CDH9: variants seen among roughly 807,000 people sequenced by gnomAD.
CDH9 encodes cadherin-9.
A neutral mutation model predicts 70.9 loss-of-function variants in CDH9; 28 were observed. The observed-to-expected ratio is 0.40, with a 90% CI of 0.29 to 0.54. CDH9 has a LOEUF of 0.54. Ranked by LOEUF, CDH9 falls within the 20% of genes least tolerant of loss-of-function variation. CDH9 has a pLI of 0.59. For synonymous variants in CDH9, 409 were observed against 343.1 expected (o/e 1.19, Z -2.12); for missense variants, 874 against 984.4 (o/e 0.89, Z 1.50).
intron 7 of CDH9, 143 bp downstream of exon 7, chr5:26,902,333 T>A (rs1740870602): frequency 4.9e-6 from 3 of 610,258 alleles, no homozygotes; most frequent in Non-Finnish European, 8.6e-6. Flanking sequence ...GCAACCATTT[T>A]TTCACACAGT....
At chr5:26,979,250 G>A (rs1309871647) in intron 2 of CDH9, among the ~76,000 whole-genome samples, 1 of 151,556 alleles carries the variant, frequency 6.6e-6, no homozygotes, top group Non-Finnish European at 1.5e-5. Flanking sequence ...TTATACTATT[G>A]TAAGATGAGT....
intron 2 of CDH9, among the ~76,000 whole-genome samples, chr5:26,939,038 A>T (rs892018986): frequency 1.3e-4 from 20 of 152,056 alleles, no homozygotes; most frequent in African/African-American, 4.6e-4. Flanking sequence ...ATTTATATCA[A>T]TAAAATATTA....
At chr5:27,021,846 C>T (rs1011632322) in intron 1 of CDH9, among the ~76,000 whole-genome samples, 1 of 151,924 alleles carries the variant, frequency 6.6e-6, no homozygotes, top group African/African-American at 2.4e-5. Context: ...TTCTTCATAA[C>T]ATCAGGAAGA....
At position 26,988,302 on chromosome 5, in the gene CDH9, A is replaced by G; in HGVS notation, c.32T>C (p.Ile11Thr). 1 of 1,613,302 alleles carries G rather than the reference A, an allele frequency of 6.2e-7. No homozygotes were observed. The highest frequency in any genetic ancestry group is 8.5e-7 in the Non-Finnish European group (1 of 1,179,420). The change falls in exon 2 of 12, where the codon ATC (isoleucine) becomes ACC (threonine). Residue 11 changes from isoleucine (I) to threonine (T), a missense_variant. Physicochemically the swap from Ile to Thr is moderately conservative, Grantham distance 89. Transcript: ENST00000231021. MRTYHYIPLF[I>T]WTYMFHTVDT... ...AACTGTATGGAACATATAGGTCCAGATGAATAATGGTATATAATGGTAAGT... is the reference window on the plus strand; with the variant it reads ...AACTGTATGGAACATATAGGTCCAGGTGAATAATGGTATATAATGGTAAGT...
intron 1 of CDH9, among the ~76,000 whole-genome samples, chr5:27,029,823 T>G (rs1403896721): frequency 6.6e-6 from 1 of 151,934 alleles, no homozygotes; most frequent in Admixed American, 6.6e-5. Context: ...AGTGGTGGTG[T>G]TTTGAGAAGC....
At chr5:27,017,027 A>T (rs1041975524) in intron 1 of CDH9, among the ~76,000 whole-genome samples, 2 of 151,900 alleles carry the variant, frequency 1.3e-5, no homozygotes, top group African/African-American at 4.8e-5. Flanking sequence ...TTCAGCCCAA[A>T]ACTGTTCTTT....
intron 2 of CDH9, among the ~76,000 whole-genome samples, chr5:26,953,970 A>G (rs551265001): frequency 1.3e-5 from 2 of 151,232 alleles, no homozygotes; most frequent in East Asian, 3.9e-4. Flanking sequence ...ACATAGATCA[A>G]AAAAATAAAT....
chr5:26,889,540 G>A (rs966827989), intron 9 of CDH9, among the ~76,000 whole-genome samples: 1 of 151,882 alleles, frequency 6.6e-6, no homozygotes, highest in African/African-American at 2.4e-5. Context: ...CTCAGCATAA[G>A]CATAATTATG....
At chr5:26,949,121 A>T (rs1741801962) in intron 2 of CDH9, among the ~76,000 whole-genome samples, 1 of 152,206 alleles carries the variant, frequency 6.6e-6, no homozygotes, top group South Asian at 2.1e-4. Flanking sequence ...GCAATTTACC[A>T]GTGCATATTT....
rs140550992 is a variant in CDH9, at chr5:27,017,879, T to C, written c.-50+20584A>G. Among the ~76,000 whole-genome samples the C allele has an allele frequency of 3.0e-3, 463 of 151,950 alleles. 3 individuals carry two copies. Among genetic ancestry groups the C allele is most frequent in the African/African-American group, 0.01 (432 of 41,474 alleles). Reference sequence around the variant, plus strand: ...CATATAGGTTATTTAATGTATATTATATTGTAGTAGTGATGTAGTACGTAT... The same window carrying C: ...CATATAGGTTATTTAATGTATATTACATTGTAGTAGTGATGTAGTACGTAT... On this transcript the variant is annotated intron_variant, in intron 1 of 11. Coordinates refer to ENST00000231021, the MANE Select transcript of CDH9 (RefSeq NM_016279.4).
At chr5:26,978,047 T>C (rs1742332101) in intron 2 of CDH9, among the ~76,000 whole-genome samples, 1 of 152,110 alleles carries the variant, frequency 6.6e-6, no homozygotes, top group South Asian at 2.1e-4. Flanking sequence ...GCAATTTTAC[T>C]TCCTGCTGGG....
At chr5:27,020,229 T>G (rs965232650) in intron 1 of CDH9, among the ~76,000 whole-genome samples, 3 of 151,880 alleles carry the variant, frequency 2.0e-5, no homozygotes, top group African/African-American at 7.2e-5. Flanking sequence ...AACAATTATT[T>G]AAAATGGTTG....
intron 2 of CDH9, among the ~76,000 whole-genome samples, chr5:26,929,676 T>C (rs1741406532): frequency 6.6e-6 from 1 of 152,064 alleles, no homozygotes; most frequent in African/African-American, 2.4e-5. Flanking sequence ...AATAGCGAGA[T>C]TCTGTCATTT....
chr5:26,890,113 G>C (rs1349280713), intron 8 of CDH9, among the ~76,000 whole-genome samples, 156 bp from the exon 9 acceptor site: 1 of 152,050 alleles, frequency 6.6e-6, no homozygotes, highest in Non-Finnish European at 1.5e-5. Flanking sequence ...TGGTCCAAAA[G>C]AAAAGCACAA....
At chr5:26,998,738 A>G (rs953105661) in intron 1 of CDH9, among the ~76,000 whole-genome samples, 1 of 152,146 alleles carries the variant, frequency 6.6e-6, no homozygotes, top group Admixed American at 6.5e-5. Flanking sequence ...AATAATAAAA[A>G]AAAAAGAAAA....
At chr5:27,025,910 T>C (rs1579520305) in intron 1 of CDH9, among the ~76,000 whole-genome samples, 1 of 152,094 alleles carries the variant, frequency 6.6e-6, no homozygotes, top group East Asian at 1.9e-4. Context: ...GACAGAGACA[T>C]ATACTGATAT....
At chr5:27,019,682 G>A (rs1743104471) in intron 1 of CDH9, among the ~76,000 whole-genome samples, 1 of 151,720 alleles carries the variant, frequency 6.6e-6, no homozygotes, top group Admixed American at 6.6e-5. Context: ...CTCCCATTTA[G>A]CTGAGAAAAT....
At chr5:27,004,017 A>G (rs1742815638) in intron 1 of CDH9, among the ~76,000 whole-genome samples, 1 of 151,612 alleles carries the variant, frequency 6.6e-6, no homozygotes, top group Non-Finnish European at 1.5e-5. Flanking sequence ...CTAAAAAATT[A>G]CGAAGAAGAA....
At chr5:26,921,605 T>A (rs1579452160) in intron 2 of CDH9, among the ~76,000 whole-genome samples, 1 of 152,176 alleles carries the variant, frequency 6.6e-6, no homozygotes, top group African/African-American at 2.4e-5. Context: ...TAAAAACCAA[T>A]GCAGAACTCT....
Sources: gnomAD v4.1 joint callset for allele counts (sites outside exome capture counted in the v4.1 genomes callset) on GRCh38, gnomAD v4.1.1 for gene constraint, MANE v1.5 for transcripts, NCBI Gene and HGNC (gene_info 2026-07-23, HGNC 2026-07-21) for gene names.